Variants in SS18 observed in about 807,000 individuals in gnomAD.
SS18 encodes protein SSXT.
Under a neutral mutation model 72.5 loss-of-function variants are expected in SS18, and 28 were observed. The ratio of observed to expected loss-of-function variants is 0.39; its 90% confidence interval spans 0.29 to 0.53. The LOEUF is 0.53. Among genes scored for constraint, SS18 ranks in the 20% least tolerant of loss-of-function variants. The pLI is 0.76. For missense variants in SS18, 518 were observed against 535.3 expected (o/e 0.97, Z 0.32); for synonymous variants, 172 against 164.2 (o/e 1.05, Z -0.37).
intron 1 of SS18, chr18:26,089,714 C>G (rs370769438): frequency 6.6e-6 from 1 of 152,342 alleles, no homozygotes; most frequent in East Asian, 1.9e-4. Flanking sequence ...GCAGCTCTAT[C>G]CTTTAAAAAG....
At chr18:26,060,767 ATACC>A (rs2054104844) in intron 3 of SS18, among the ~76,000 whole-genome samples, 1 of 109,286 alleles carries the variant, frequency 9.2e-6, no homozygotes, top group Admixed American at 1.0e-4. Context: ...TCTACTAAAA[ATACC>A]AAAAAAAAAA....
At chr18:26,047,045 T>C (rs936554397) in intron 5 of SS18, among the ~76,000 whole-genome samples, 3 of 152,156 alleles carry the variant, frequency 2.0e-5, no homozygotes, top group African/African-American at 7.2e-5. Flanking sequence ...TATTCATGTA[T>C]ATCAGAATTG....
At chr18:26,086,175 G>A (rs1157615729) in intron 2 of SS18, 2 of 152,142 alleles carry the variant, frequency 1.3e-5, no homozygotes, top group Non-Finnish European at 2.9e-5. Context: ...AAGTTTACAG[G>A]AGGACGTGAG....
rs1226306145 is a variant in SS18 at position 26,038,613 on chromosome 18, T to C, written c.822A>G (p.Gln274=). ...GAGGACCTTGTCCACCATGACTGTATTGGTCCCCGTAATAGTCTTCCTGGC... is the reference window on the plus strand; with the variant it reads ...GAGGACCTTGTCCACCATGACTGTACTGGTCCCCGTAATAGTCTTCCTGGC... ...YSGQEDYYGD[Q]YSHGGQGPPE... is the part of the protein sequence containing the mutation. The change falls in exon 7 of 11, where the codon CAA becomes CAG. Residue 274 remains glutamine, a synonymous_variant. Transcript: ENST00000415083. The C allele has an allele frequency of 3.7e-6, 6 of 1,613,466 alleles. No homozygotes were observed. Among genetic ancestry groups the C allele is most frequent in the African/African-American group, 2.7e-5 (2 of 74,906 alleles).
At chr18:26,030,386 G>T (rs2053524042) in intron 10 of SS18, among the ~76,000 whole-genome samples, 1 of 152,176 alleles carries the variant, frequency 6.6e-6, no homozygotes, top group Non-Finnish European at 1.5e-5. Flanking sequence ...CTCAAGATCT[G>T]AGTTAGAAGC....
chr18:26,020,460 G>A (rs2053329559), intron 10 of SS18, among the ~76,000 whole-genome samples: 1 of 152,158 alleles, frequency 6.6e-6, no homozygotes, highest in Admixed American at 6.5e-5. Flanking sequence ...AAATATAAAT[G>A]ATGTGAAAGC....
chr18:26,038,160 T>C (rs188239789), intron 7 of SS18, among the ~76,000 whole-genome samples: 110 of 152,286 alleles, frequency 7.2e-4, no homozygotes, highest in African/African-American at 2.5e-3. Context: ...ATATACTCTA[T>C]GTATTTGTAC....
chr18:26,024,691 A>ATGAG (rs1357442285), intron 10 of SS18, among the ~76,000 whole-genome samples: 2 of 152,214 alleles, frequency 1.3e-5, no homozygotes, highest in African/African-American at 4.8e-5. Flanking sequence ...TGTGATTTAT[A>ATGAG]TCTCAATAAA....
intron 5 of SS18, among the ~76,000 whole-genome samples, chr18:26,048,599 C>T (rs2053870292): frequency 6.6e-6 from 1 of 152,106 alleles, no homozygotes; most frequent in Non-Finnish European, 1.5e-5. Flanking sequence ...TCAGCTGTGG[C>T]AATACATGCT....
intron 7 of SS18, among the ~76,000 whole-genome samples, chr18:26,036,462 A>G (rs751383157): frequency 6.6e-6 from 1 of 152,210 alleles, no homozygotes; most frequent in Non-Finnish European, 1.5e-5. Flanking sequence ...GCAAAATTAT[A>G]TATCTTAATG....
intron 3 of SS18, among the ~76,000 whole-genome samples, chr18:26,072,084 TAAC>T (rs1226910336): frequency 1.3e-5 from 2 of 151,920 alleles, no homozygotes; most frequent in Non-Finnish European, 2.9e-5. Context: ...AAGACAGTAA[TAAC>T]AACCACTTGT....
At chr18:26,068,149 G>C (rs1477592253) in intron 3 of SS18, 2 of 152,090 alleles carry the variant, frequency 1.3e-5, no homozygotes, top group Non-Finnish European at 2.9e-5. Flanking sequence ...AGGGTTTGGG[G>C]ACCCCTGAAA....
intron 2 of SS18, among the ~76,000 whole-genome samples, chr18:26,081,914 T>C (rs980714406): frequency 3.3e-5 from 5 of 151,890 alleles, no homozygotes; most frequent in Non-Finnish European, 7.4e-5. Context: ...AAAAATTAGC[T>C]GAGCATGGTG....
At chr18:26,087,956 C>A (rs907729206) in intron 1 of SS18, among the ~76,000 whole-genome samples, 1 of 152,112 alleles carries the variant, frequency 6.6e-6, no homozygotes, top group Non-Finnish European at 1.5e-5. Flanking sequence ...ACAGTTCATA[C>A]GGACAATCTT....
intron 2 of SS18, among the ~76,000 whole-genome samples, chr18:26,085,097 G>A (rs1214531754): frequency 6.6e-6 from 1 of 152,146 alleles, no homozygotes; most frequent in African/African-American, 2.4e-5. Flanking sequence ...CTATGTAATC[G>A]TTTGAAAAAT....
At chr18:26,023,815 G>A (rs1267089956) in intron 10 of SS18, among the ~76,000 whole-genome samples, 1 of 150,650 alleles carries the variant, frequency 6.6e-6, no homozygotes, top group Non-Finnish European at 1.5e-5. Flanking sequence ...TACCAAAAAC[G>A]GTAACTACAT....
chr18:26,082,435 A>C (rs373764837), intron 2 of SS18: 5 of 978,052 alleles, frequency 5.1e-6, no homozygotes, highest in East Asian at 2.3e-4. Flanking sequence ...CAAACTACAG[A>C]TTTAAACAAC....
At chr18:26,052,543 G>A in intron 5 of SS18, 81 bp downstream of exon 5, 1 of 1,155,466 alleles carries the variant, frequency 8.7e-7, no homozygotes, top group Non-Finnish European at 1.3e-6. Context: ...TTATGAACCA[G>A]CTAAGAACCT....
intron 5 of SS18, among the ~76,000 whole-genome samples, chr18:26,052,146 C>T (rs2053933857): frequency 6.6e-6 from 1 of 152,200 alleles, no homozygotes; most frequent in Non-Finnish European, 1.5e-5. Context: ...AATGGACTTA[C>T]ACCACTCTAA....
Sources: gnomAD v4.1 joint callset for allele counts (sites outside exome capture counted in the v4.1 genomes callset) on GRCh38, gnomAD v4.1.1 for gene constraint, MANE v1.5 for transcripts, NCBI Gene and HGNC (gene_info 2026-07-23, HGNC 2026-07-21) for gene names.